CUL7: variants seen among roughly 807,000 people sequenced by gnomAD.
CUL7 encodes the protein cullin 7.
Under a neutral mutation model 177.7 loss-of-function variants are expected in CUL7, and 96 were observed. The observed-to-expected ratio is 0.54, with a 90% confidence interval of 0.46 to 0.64. CUL7 has a LOEUF of 0.64. Among genes scored for constraint, CUL7 ranks in the 30% least tolerant of loss-of-function variants. The probability of loss-of-function intolerance (pLI) is 0.00; values close to 1 mark genes in which losing one functional copy is unlikely to be tolerated. For missense variants in CUL7, 1,893 were observed against 2,187.9 expected, an observed-to-expected ratio of 0.87 and a Z score of 2.69; for synonymous variants, 824 against 890.2, an observed-to-expected ratio of 0.93 and a Z score of 1.32.
Position 43,040,025 on chromosome 6 carries a change from C to T in CUL7, c.4294+131G>A, listed in dbSNP as rs555714097. ...AAAGTGCTGGGATTACAGGCGTGAGCACTGTGCCCAGCCAAAGACTATCTC... is the reference window on the plus strand; with the variant it reads ...AAAGTGCTGGGATTACAGGCGTGAGTACTGTGCCCAGCCAAAGACTATCTC... On this transcript the variant is annotated intron_variant, in intron 22 of 25. Transcript: ENST00000265348. This position sits in a 1 kb window ranked among gnomAD's most constrained non-coding sequence, Gnocchi z 4.2. 15 of 1,122,832 alleles carry T rather than the reference C, an allele frequency of 1.3e-5. No homozygotes were observed. The South Asian group carries it at 1.8e-4, about 13-fold the overall frequency. 69.6% of individuals were successfully genotyped at this position (1,122,832 alleles called of 1,614,324 possible). A position where few individuals can be genotyped will look rare whatever the true frequency, so the allele number is the denominator to read the frequency against.
chr6:43,037,991 C>T lies in CUL7; in HGVS notation c.4794G>A (p.Lys1598=), dbSNP rs61437700. 7,658 of 1,593,906 alleles carry T rather than the reference C, an allele frequency of 4.8e-3. 281 individuals are homozygous for T. The African/African-American group carries it at 0.084, about 18-fold the overall frequency. The change falls in exon 26 of 26, where the codon AAG becomes AAA. Residue 1598 remains lysine (K), a synonymous_variant. Transcript: ENST00000265348. ...CCAAACCCCTGGGAGGACACGGGCC[C>T]TTCTGCCAAGCCTCCAGCACCTGGT... The part of the protein sequence containing the change: ...LVCLVLEAWQ[K]GPCPPRGLVS...
chr6:43,046,019 A>T lies in CUL7; in HGVS notation c.2733T>A (p.Asp911Glu), dbSNP rs544322293. Reference sequence around the variant, plus strand: ...GTTCCGTGTGAAGAGAGCTAGTGCTATCACCCCCGCACACCACCACTCGGG... The same window carrying T: ...GTTCCGTGTGAAGAGAGCTAGTGCTTTCACCCCCGCACACCACCACTCGGG... ...MPARVVVCGG[D>E]STSSLHTELN... Residue 911 changes from aspartate (D) to glutamate (E), a missense_variant, in exon 13 of 26, where the codon GAT (aspartate) becomes GAA (glutamate). By Grantham distance (45) the Asp-to-Glu change is conservative. Coordinates refer to ENST00000265348, the MANE Select transcript of CUL7 (RefSeq NM_014780.5). 6.2e-7 allele frequency: 1 copy of T among 1,614,016 alleles called. No individual in the cohort carries two copies. Among genetic ancestry groups the T allele is most frequent in the East Asian group, 2.2e-5 (1 of 44,876 alleles).
Position 43,053,790 on chromosome 6 carries a change from G to A in CUL7, c.-177C>T, listed in dbSNP as rs1039537823. The A allele has an allele frequency of 1.5e-5, 23 of 1,531,786 alleles. No homozygotes were observed. Among genetic ancestry groups the A allele is most frequent in the Admixed American group, 5.9e-5 (3 of 50,866 alleles). 94.9% of individuals were successfully genotyped at this position (1,531,786 alleles called of 1,614,324 possible). A position where few individuals can be genotyped will look rare whatever the true frequency, so the allele number is the denominator to read the frequency against. ...GAACAGAGCTGCACCCGCGTGAGTC[G>A]GCAGCCACTGGGGCAGGGTGGGGCC... On this transcript the variant is annotated 5_prime_UTR_variant, in exon 1 of 26. Transcript: ENST00000265348. The surrounding 1 kb of genome is among the most constrained non-coding windows in gnomAD (Gnocchi z 4.1).
Position 43,053,812 on chromosome 6 carries a change from G to A in CUL7, c.-199C>T, listed in dbSNP as rs933039298. 12 of 1,532,856 alleles carry A rather than the reference G, an allele frequency of 7.8e-6. No individual in the cohort carries two copies. The highest frequency in any genetic ancestry group is 8.7e-6 in the Non-Finnish European group (10 of 1,146,304). The allele number at this position is 1,532,856 out of a possible 1,614,324, so 95.0% of individuals were successfully genotyped here. A position where few individuals can be genotyped will look rare whatever the true frequency, so the allele number is the denominator to read the frequency against. On this transcript the variant is annotated 5_prime_UTR_variant, in exon 1 of 26. Transcript: ENST00000265348. The surrounding 1 kb of genome is among the most constrained non-coding windows in gnomAD (Gnocchi z 4.1). ...GTCGGCAGCCACTGGGGCAGGGTGGGGCCCGGTCCCTGCCAGCGGCTCCGC... is the reference window on the plus strand; with the variant it reads ...GTCGGCAGCCACTGGGGCAGGGTGGAGCCCGGTCCCTGCCAGCGGCTCCGC...
rs772784080 is a variant in CUL7 at position 43,045,548 on chromosome 6, C to T, written c.2862+39G>A. The T allele has an allele frequency of 2.5e-6, 4 of 1,613,388 alleles. No individual in the cohort carries two copies. The highest frequency in any genetic ancestry group is 1.7e-5 in the Admixed American group (1 of 60,006). On this transcript the variant is annotated intron_variant, in intron 14 of 25. Transcript: ENST00000265348. The surrounding 1 kb of genome is among the most constrained non-coding windows in gnomAD (Gnocchi z 4.8). ...ATCTGCCTGTTTATGGGGCTCAGAG[C>T]CCCCTACCCAGGGCCACACCCCACA...
At chr6:43,048,031 A>AAACCAAGAGCTCAAAGGCTCTATCACGCC in intron 9 of CUL7, 117 bp downstream of exon 9, 1 of 667,300 alleles carries the variant, frequency 1.5e-6, no homozygotes, top group Non-Finnish European at 2.7e-6. Context: ...AGCAAAACTC[A>AAACCAAGAGCTCAAAGGCTCTATCACGCC]AACCAAGAGC....
At position 43,046,079 on chromosome 6, in the gene CUL7, C is replaced by T. The variant is rs1261859632; in HGVS notation, c.2673G>A (p.Leu891=). The T allele has an allele frequency of 2.5e-6, 4 of 1,614,052 alleles. No individual in the cohort carries two copies. The highest frequency in any genetic ancestry group is 3.4e-6 in the Non-Finnish European group (4 of 1,180,034). ...AACTCGAGTCCTCACTAGCCACAAGCAGAGTCAGTTGCCTGGGAGTGGGGA... is the reference window on the plus strand; with the variant it reads ...AACTCGAGTCCTCACTAGCCACAAGTAGAGTCAGTTGCCTGGGAGTGGGGA... ...RRGILIRQLT[L]LVASEDSSYM... Residue 891 remains leucine, a synonymous_variant, in exon 13 of 26, where the codon CTG becomes CTA. Coordinates refer to ENST00000265348, the MANE Select transcript of CUL7 (RefSeq NM_014780.5).
chr6:43,053,575 G>C lies in CUL7; in HGVS notation c.-9+47C>G. 8.0e-7 allele frequency: 1 copy of C among 1,253,062 alleles called. No individual in the cohort carries two copies. The allele number at this position is 1,253,062 out of a possible 1,614,324, so 77.6% of individuals were successfully genotyped here. On this transcript the variant is annotated intron_variant, in intron 1 of 25. Transcript: ENST00000265348. This position sits in a 1 kb window ranked among gnomAD's most constrained non-coding sequence, Gnocchi z 4.1. ...GGTGAGCGCGAGGCTCGATGGGCTA[G>C]TGGGCAGGGAAGGAGAAGCAAGGGG...
chr6:43,046,063 C>T lies in CUL7; in HGVS notation c.2689G>A (p.Asp897Asn), dbSNP rs1477538599. 6.2e-7 allele frequency: 1 copy of T among 1,614,010 alleles called. No individual in the cohort carries two copies. The highest frequency in any genetic ancestry group is 2.2e-5 in the East Asian group (1 of 44,896). ...RQLTLLVASE[D>N]SSYMPARVVV... ...ACTCGGGCCGGCATGTAACTCGAGTCCTCACTAGCCACAAGCAGAGTCAGT... is the reference window on the plus strand; with the variant it reads ...ACTCGGGCCGGCATGTAACTCGAGTTCTCACTAGCCACAAGCAGAGTCAGT... Residue 897 changes from aspartate to asparagine, a missense_variant, in exon 13 of 26, where the codon GAC (aspartate) becomes AAC (asparagine). By Grantham distance (23) the Asp-to-Asn change is conservative. Coordinates refer to ENST00000265348, the MANE Select transcript of CUL7 (RefSeq NM_014780.5).
Position 43,048,250 on chromosome 6 carries a change from G to A in CUL7, c.2067C>T (p.Ile689=). The A allele has an allele frequency of 6.2e-7, 1 of 1,613,028 alleles. No individual in the cohort carries two copies. The highest frequency in any genetic ancestry group is 8.5e-7 in the Non-Finnish European group (1 of 1,178,968). Residue 689 remains isoleucine, a synonymous_variant, in exon 9 of 26, where the codon ATC becomes ATT. Coordinates refer to ENST00000265348, the MANE Select transcript of CUL7 (RefSeq NM_014780.5). ...NRTLHLTVLR[I]LKQLVDFPEA... ...CGGGGAAGTCCACCAGCTGCTTCAG[G>A]ATTCTGGGGGCAGAGAAATGTGTAG...
Position 43,049,622 on chromosome 6 carries a change from A to G in CUL7, c.1610T>C (p.Ile537Thr), listed in dbSNP as rs140237482. 3.7e-6 allele frequency: 6 copies of G among 1,614,162 alleles called. No homozygotes were observed. Among genetic ancestry groups the G allele is most frequent in the South Asian group, 2.2e-5 (2 of 91,076 alleles). The change falls in exon 7 of 26, where the codon ATA becomes ACA. Residue 537 changes from isoleucine to threonine, a missense_variant. Transcript: ENST00000265348. ...CAGCAGCAAGTCCTGGGCCAATTCTATGGGCACGGCCAGTTCAGCTAGGAT... is the reference window on the plus strand; with the variant it reads ...CAGCAGCAAGTCCTGGGCCAATTCTGTGGGCACGGCCAGTTCAGCTAGGAT... ...DEILAELAVP[I>T]ELAQDLLLTL... is the part of the protein sequence containing the mutation.
rs1763366232 is a variant in CUL7, at chr6:43,040,968, A to G, written c.3753T>C (p.Ala1251=). 1 of 1,613,374 alleles carries G rather than the reference A, an allele frequency of 6.2e-7. No homozygotes were observed. Among genetic ancestry groups the G allele is most frequent in the Non-Finnish European group, 8.5e-7 (1 of 1,179,750 alleles). Residue 1251 remains alanine (A), a synonymous_variant, in exon 20 of 26, where the codon GCT becomes GCC. Coordinates refer to ENST00000265348, the MANE Select transcript of CUL7 (RefSeq NM_014780.5). The surrounding 1 kb of genome is among the most constrained non-coding windows in gnomAD (Gnocchi z 4.2). ...RLAQLQQCLQ[A]VLIFSGLEIA... The stretch of plus-strand genomic sequence containing the variant: ...TCTCCAAGCCGGAGAAAATCAGGAC[A>G]GCTTGCAGGCATTGCTGCAGCTGTG...
At position 43,045,944 on chromosome 6, in the gene CUL7, C is replaced by T. The variant is rs769186075; in HGVS notation, c.2766+42G>A. ...CCAGATAGAAGCAGGAGGGCAGATCCTGTGAGGGGTGGAGTAATGGCTAAT... is the reference window on the plus strand; with the variant it reads ...CCAGATAGAAGCAGGAGGGCAGATCTTGTGAGGGGTGGAGTAATGGCTAAT... On this transcript the variant is annotated intron_variant, in intron 13 of 25. Transcript: ENST00000265348. This position sits in a 1 kb window ranked among gnomAD's most constrained non-coding sequence, Gnocchi z 4.8. 1 of 1,492,344 alleles carries T rather than the reference C, an allele frequency of 6.7e-7. No homozygotes were observed. Among genetic ancestry groups the T allele is most frequent in the East Asian group, 2.3e-5 (1 of 44,072 alleles). 92.4% of individuals were successfully genotyped at this position (1,492,344 alleles called of 1,614,324 possible).
Position 43,050,031 on chromosome 6 carries a change from T to A in CUL7, c.1501A>T (p.Ile501Phe). ...LAEWWELLFFIKKLDGPDHQE... is the reference protein window; with the variant it reads ...LAEWWELLFFFKKLDGPDHQE... ...TGGTCAGGTCCATCCAGCTTCTTGA[T>A]GAAGAAGAGGAGTTCCCACCACTCA... Residue 501 changes from isoleucine (I) to phenylalanine (F), a missense_variant, in exon 6 of 26, where the codon ATC (isoleucine) becomes TTC (phenylalanine). Physicochemically the swap from Ile to Phe is conservative, Grantham distance 21. Around this residue, in one of 5 missense-constraint regions of CUL7, gnomAD observed 653 missense variants for 725.2 expected, o/e 0.90. Transcript: ENST00000265348. The surrounding 1 kb of genome is among the most constrained non-coding windows in gnomAD (Gnocchi z 4.1). 1 of 1,614,188 alleles carries A rather than the reference T, an allele frequency of 6.2e-7. No homozygotes were observed. Among genetic ancestry groups the A allele is most frequent in the African/African-American group, 1.3e-5 (1 of 75,056 alleles).
At chr6:43,044,493 G>C (rs1338340908) in intron 16 of CUL7, among the ~76,000 whole-genome samples, 2 of 132,588 alleles carry the variant, frequency 1.5e-5, no homozygotes, top group Non-Finnish European at 3.0e-5. Context: ...GCGAAAATCT[G>C]TCTCAAAAAA....
Position 43,045,445 on chromosome 6 carries a change from G to A in CUL7, c.2863-43C>T, listed in dbSNP as rs747866388. ...CTATCTTCACTCGCTCCACACCTTG[G>A]GATGGGCTGGGGTCAGCTACGCCCT... On this transcript the variant is annotated intron_variant, in intron 14 of 25. Transcript: ENST00000265348. This position sits in a 1 kb window ranked among gnomAD's most constrained non-coding sequence, Gnocchi z 4.8. 1 of 1,614,072 alleles carries A rather than the reference G, an allele frequency of 6.2e-7. No individual in the cohort carries two copies. Among genetic ancestry groups the A allele is most frequent in the Non-Finnish European group, 8.5e-7 (1 of 1,180,016 alleles).
chr6:43,039,439 G>A (rs1385885048), intron 22 of CUL7, among the ~76,000 whole-genome samples: 5 of 152,174 alleles, frequency 3.3e-5, no homozygotes, highest in African/African-American at 7.2e-5. Flanking sequence ...AGGATGACAG[G>A]TGACTGACCA....
Position 43,053,578 on chromosome 6 carries a change from G to T in CUL7, c.-9+44C>A. 2 of 1,268,080 alleles carry T rather than the reference G, an allele frequency of 1.6e-6. No homozygotes were observed. The highest frequency in any genetic ancestry group is 3.0e-5 in the East Asian group (1 of 33,326). The allele number at this position is 1,268,080 out of a possible 1,614,324, so 78.6% of individuals were successfully genotyped here. A position where few individuals can be genotyped will look rare whatever the true frequency, so the allele number is the denominator to read the frequency against. On this transcript the variant is annotated intron_variant, in intron 1 of 25. Coordinates refer to ENST00000265348, the MANE Select transcript of CUL7 (RefSeq NM_014780.5). This position sits in a 1 kb window ranked among gnomAD's most constrained non-coding sequence, Gnocchi z 4.1. The stretch of plus-strand genomic sequence containing the variant: ...GAGCGCGAGGCTCGATGGGCTAGTG[G>T]GCAGGGAAGGAGAAGCAAGGGGCCG...
rs201267503 is a variant in CUL7, at chr6:43,037,780, G to C, written c.5005C>G (p.Pro1669Ala). ...TGTAGGGTATGGAAGGTGAGGGGTG[G>C]GTTGGGGCCTGAGGAGCCTGGGTTC... ...SLNPGSSGPN[P>A]PLTFHTLQIR... Residue 1669 changes from proline to alanine, a missense_variant, in exon 26 of 26, where the codon CCA becomes GCA. Around this residue, in one of 5 missense-constraint regions of CUL7, gnomAD observed 248 missense variants for 262.5 expected, o/e 0.94. Coordinates refer to ENST00000265348, the MANE Select transcript of CUL7 (RefSeq NM_014780.5). 1 of 1,596,456 alleles carries C rather than the reference G, an allele frequency of 6.3e-7. No individual in the cohort carries two copies. Among genetic ancestry groups the C allele is most frequent in the African/African-American group, 1.3e-5 (1 of 74,744 alleles).
Sources: gnomAD v4.1 joint callset for allele counts (sites outside exome capture counted in the v4.1 genomes callset) on GRCh38, gnomAD v4.1.1 for gene constraint, gnomAD v4.1.1 regional missense constraint, Gnocchi (gnomAD v3.1) non-coding constraint, MANE v1.5 for transcripts, NCBI Gene and HGNC (gene_info 2026-07-23, HGNC 2026-07-21) for gene names.